RSPO4: variants seen among roughly 807,000 people sequenced by gnomAD.
RSPO4 encodes the protein R-spondin 4.
RSPO4 carries 23 observed loss-of-function variants against 24.8 expected under a neutral mutation model. The observed-to-expected ratio is 0.93, with a 90% CI of 0.67 to 1.31. The LOEUF (loss-of-function observed/expected upper bound fraction) is 1.31. Among genes scored for constraint, RSPO4 ranks in the 40% most tolerant of loss-of-function variants. The pLI is 0.00. For synonymous variants in RSPO4, 141 were observed against 127.4 expected (o/e 1.11, Z -0.72); for missense variants, 333 against 316.5 (o/e 1.05, Z -0.39).
intron 1 of RSPO4, among the ~76,000 whole-genome samples, chr20:988,933 G>C (rs1419427593): frequency 6.6e-6 from 1 of 152,106 alleles, no homozygotes; most frequent in Non-Finnish European, 1.5e-5. Context: ...GCCCCAAATC[G>C]CTTCTGCCTC....
chr20:966,065 G>A (rs1413056875), intron 3 of RSPO4, among the ~76,000 whole-genome samples: 1 of 152,196 alleles, frequency 6.6e-6, no homozygotes, highest in Non-Finnish European at 1.5e-5. Context: ...CGTTAGGTGG[G>A]GGATGGTGGC....
At chr20:972,499 A>G (rs1046661557) in intron 1 of RSPO4, among the ~76,000 whole-genome samples, 1 of 152,226 alleles carries the variant, frequency 6.6e-6, no homozygotes, top group Non-Finnish European at 1.5e-5. Context: ...GCCCCTTAGG[A>G]AACGCTGGCA....
chr20:966,108 G>A (rs1287773158), intron 3 of RSPO4, among the ~76,000 whole-genome samples: 3 of 152,162 alleles, frequency 2.0e-5, no homozygotes, highest in Non-Finnish European at 4.4e-5. Context: ...CCAGAGGGCA[G>A]TGGAGGTGAG....
intron 1 of RSPO4, among the ~76,000 whole-genome samples, chr20:979,988 C>A (rs901898202): frequency 2.0e-5 from 3 of 152,274 alleles, no homozygotes; most frequent in African/African-American, 4.8e-5. Flanking sequence ...AGGGATGAGC[C>A]ACGGCACACT....
chr20:979,274 C>T (rs1040006515), intron 1 of RSPO4, among the ~76,000 whole-genome samples: 2 of 152,308 alleles, frequency 1.3e-5, no homozygotes. Flanking sequence ...CACCACAGGA[C>T]CTTTGCACTT....
In RSPO4 at chr20:960,352, G is replaced by A. The variant is rs941829816; in HGVS notation, c.*5C>T. 2.0e-5 allele frequency: 30 copies of A among 1,532,320 alleles called. No individual in the cohort carries two copies. Among genetic ancestry groups the A allele is most frequent in the Admixed American group, 5.9e-5 (3 of 50,990 alleles). The allele number at this position is 1,532,320 out of a possible 1,614,324, so 94.9% of individuals were successfully genotyped here. A position where few individuals can be genotyped will look rare whatever the true frequency, so the allele number is the denominator to read the frequency against. On this transcript the variant is annotated 3_prime_UTR_variant, in exon 5 of 5. Coordinates refer to ENST00000217260, the MANE Select transcript of RSPO4 (RefSeq NM_001029871.4). ...CTAGGACCAGAGAGTCGGGAGAGCCGGCGGTCAGGGCTGCAGGCCGGGCTG... is the reference window on the plus strand; with the variant it reads ...CTAGGACCAGAGAGTCGGGAGAGCCAGCGGTCAGGGCTGCAGGCCGGGCTG...
At chr20:964,297 C>T (rs1296842940) in intron 3 of RSPO4, among the ~76,000 whole-genome samples, 177 bp from the exon 4 acceptor site, 4 of 152,194 alleles carry the variant, frequency 2.6e-5, no homozygotes, top group Admixed American at 2.6e-4. Context: ...GAAACGAATG[C>T]ATGCACAGAC....
At chr20:976,588 G>A (rs1435056974) in intron 1 of RSPO4, among the ~76,000 whole-genome samples, 1 of 151,820 alleles carries the variant, frequency 6.6e-6, no homozygotes, top group Non-Finnish European at 1.5e-5. Flanking sequence ...TTCCATTTCA[G>A]GGTTTTGAGT....
At position 998,436 on chromosome 20, in the gene RSPO4, G is replaced by A. The variant is rs1047311384; in HGVS notation, c.79+3650C>T. ...TTAATCAACATGCTGTTTTGTAAGAGACACTTGAGATCCAAGAATCTTTCT... is the reference window on the plus strand; with the variant it reads ...TTAATCAACATGCTGTTTTGTAAGAAACACTTGAGATCCAAGAATCTTTCT... On this transcript the variant is annotated intron_variant, in intron 1 of 4. Coordinates refer to ENST00000217260, the MANE Select transcript of RSPO4 (RefSeq NM_001029871.4). Among the ~76,000 whole-genome samples the A allele has an allele frequency of 7.2e-5, 11 of 152,200 alleles. 1 individual carries two copies. The highest frequency in any genetic ancestry group is 2.4e-4 in the African/African-American group (10 of 41,456).
intron 1 of RSPO4, among the ~76,000 whole-genome samples, chr20:978,663 G>A (rs1388999368): frequency 6.6e-6 from 1 of 152,308 alleles, no homozygotes; most frequent in Non-Finnish European, 1.5e-5. Context: ...AGGGCTCAGA[G>A]ACAAGTGAAG....
At chr20:969,313 T>C (rs1984335813) in intron 1 of RSPO4, among the ~76,000 whole-genome samples, 1 of 152,102 alleles carries the variant, frequency 6.6e-6, no homozygotes, top group African/African-American at 2.4e-5. Flanking sequence ...ATGTTTCCAA[T>C]AAAGAAGAAA....
rs983941771 is a variant in RSPO4, at chr20:1,002,097, C to T, written c.68G>A (p.Arg23Lys). The T allele has an allele frequency of 1.3e-6, 2 of 1,561,060 alleles. No individual in the cohort carries two copies. The highest frequency in any genetic ancestry group is 1.7e-6 in the Non-Finnish European group (2 of 1,152,242). Reference sequence around the variant, plus strand: ...GCCACCCCTTGTACCTTGCTTCTTCCTTCGGTTCAGGGCGAGCATGTCCAC... The same window carrying T: ...GCCACCCCTTGTACCTTGCTTCTTCTTTCGGTTCAGGGCGAGCATGTCCAC... Reference protein sequence around the residue: ...HAVDMLALNRRKKQVGTGLGG... With the variant: ...HAVDMLALNRKKKQVGTGLGG... The change falls in exon 1 of 5, where the codon AGG becomes AAG. Residue 23 changes from arginine (R) to lysine (K), a missense_variant. Transcript: ENST00000217260. The surrounding 1 kb of genome is among the most constrained non-coding windows in gnomAD (Gnocchi z 4.6).
rs1984730861 is a variant in RSPO4, at chr20:981,399, C to T, written c.80-13261G>A. On this transcript the variant is annotated intron_variant, in intron 1 of 4. Transcript: ENST00000217260. This position sits in a 1 kb window ranked among gnomAD's most constrained non-coding sequence, Gnocchi z 4.6. ...AATCAGCTGGGCGTGGTGGTGCACA[C>T]CTGTAATCCCAGCTACTCAGGTGGC... Among the ~76,000 whole-genome samples the T allele has an allele frequency of 6.6e-6, 1 of 152,162 alleles. No homozygotes were observed. The highest frequency in any genetic ancestry group is 1.9e-4 in the East Asian group (1 of 5,200).
At chr20:994,437 GC>G (rs1399439316) in intron 1 of RSPO4, among the ~76,000 whole-genome samples, 1 of 125,504 alleles carries the variant, frequency 8.0e-6, no homozygotes, top group Non-Finnish European at 1.5e-5. Flanking sequence ...CTATGGAGAG[GC>G]TCCACTTGCC....
At chr20:996,537 C>T (rs545953358) in intron 1 of RSPO4, among the ~76,000 whole-genome samples, 7 of 152,312 alleles carry the variant, frequency 4.6e-5, no homozygotes, top group East Asian at 1.9e-4. Flanking sequence ...TTCTCATTGA[C>T]GGATCTCAAG....
rs942062352 is a variant in RSPO4 at position 981,262 on chromosome 20, C to T, written c.80-13124G>A. 6.6e-6 allele frequency among the ~76,000 whole-genome samples: 1 copy of T among 152,166 alleles called. No individual in the cohort carries two copies. The highest frequency in any genetic ancestry group is 1.5e-5 in the Non-Finnish European group (1 of 68,042). On this transcript the variant is annotated intron_variant, in intron 1 of 4. Coordinates refer to ENST00000217260, the MANE Select transcript of RSPO4 (RefSeq NM_001029871.4). This position sits in a 1 kb window ranked among gnomAD's most constrained non-coding sequence, Gnocchi z 4.6. ...CAACCTGGCCAGGCACAGTGGCTCA[C>T]GCCTGTAATCCCAGCACTTAGGGAG...
At chr20:975,356 AAGTTTTCTT>A (rs1984530509) in intron 1 of RSPO4, among the ~76,000 whole-genome samples, 1 of 152,110 alleles carries the variant, frequency 6.6e-6, no homozygotes, top group South Asian at 2.1e-4. Context: ...CAACCTCCCC[AAGTTTTCTT>A]GGGCCATCAC....
chr20:984,153 C>T (rs4813887), intron 1 of RSPO4, among the ~76,000 whole-genome samples: 42,564 of 151,654 alleles, frequency 0.28, 9,817 homozygotes, highest in African/African-American at 0.63. Context: ...CTGACCAAGA[C>T]GGTGAAACCC....
intron 1 of RSPO4, among the ~76,000 whole-genome samples, chr20:973,465 T>C (rs1459983641): frequency 8.3e-6 from 1 of 120,414 alleles, no homozygotes; most frequent in Non-Finnish European, 1.6e-5. Context: ...TTTTATTGTT[T>C]GTTTGTTTGT....
Sources: allele counts gnomAD v4.1 joint callset (sites outside exome capture counted in the v4.1 genomes callset), GRCh38; gene constraint gnomAD v4.1.1; non-coding constraint Gnocchi (gnomAD v3.1); transcripts MANE v1.5; gene names NCBI Gene and HGNC (gene_info 2026-07-23, HGNC 2026-07-21).